CFAP90: variants seen among roughly 807,000 people sequenced by gnomAD.
The protein encoded by CFAP90 is cilia and flagella associated protein 90, also known as cilia- and flagella-associated protein 90.
chr5:7,831,311 A>C, the CFAP90 span: 3 of 152,890 alleles, frequency 2.0e-5, no homozygotes, highest in African/African-American at 7.2e-5. Context: ...GAAAAACAAA[A>C]ATGGAGTTTC....
the CFAP90 span, among the ~76,000 whole-genome samples, chr5:7,833,378 CATAAT>C: frequency 4.0e-5 from 6 of 151,264 alleles, no homozygotes; most frequent in South Asian, 4.2e-4. Context: ...TATATACACA[CATAAT>C]ATATACACAT....
chr5:7,837,807 G>T, the CFAP90 span, among the ~76,000 whole-genome samples: 236 of 152,330 alleles, frequency 1.5e-3, 1 homozygote, highest in African/African-American at 5.4e-3. Flanking sequence ...ACAGTAACAT[G>T]TGTAAGGCCC....
chr5:7,831,807 G>A, the CFAP90 span: 2 of 1,572,582 alleles, frequency 1.3e-6, no homozygotes, highest in Non-Finnish European at 1.7e-6. Flanking sequence ...AAACTTGCCA[G>A]GCCACAGGGT....
the CFAP90 span, among the ~76,000 whole-genome samples, chr5:7,839,860 A>G: frequency 6.6e-6 from 1 of 152,262 alleles, no homozygotes; most frequent in Admixed American, 6.5e-5. Flanking sequence ...GACCAAAAAA[A>G]ATAAATTCAT....
At chr5:7,850,636 C>T in the CFAP90 span, among the ~76,000 whole-genome samples, 2 of 124,870 alleles carry the variant, frequency 1.6e-5, no homozygotes. Flanking sequence ...CGCCCCTAGG[C>T]CCCCGCCCCT....
the CFAP90 span, among the ~76,000 whole-genome samples, chr5:7,832,754 C>A: frequency 6.6e-6 from 1 of 152,180 alleles, no homozygotes; most frequent in Non-Finnish European, 1.5e-5. Flanking sequence ...TCCCAAAGTG[C>A]TGGGATTACA....
chr5:7,830,673 G>C, the CFAP90 span: 1 of 152,174 alleles, frequency 6.6e-6, no homozygotes, highest in Admixed American at 6.5e-5. Context: ...TATTTTTAGA[G>C]AATCCTTTTT....
chr5:7,836,053 C>T, the CFAP90 span, among the ~76,000 whole-genome samples: 13 of 152,246 alleles, frequency 8.5e-5, no homozygotes, highest in South Asian at 2.1e-3. Flanking sequence ...AGCCCCCTCA[C>T]GCTTCTTTTA....
chr5:7,843,552 A>G, the CFAP90 span, among the ~76,000 whole-genome samples: 1 of 152,140 alleles, frequency 6.6e-6, no homozygotes, highest in Admixed American at 6.5e-5. Context: ...AGAGTTCTAC[A>G]TTCATCTATG....
the CFAP90 span, among the ~76,000 whole-genome samples, chr5:7,848,332 T>C: frequency 2.6e-5 from 4 of 152,016 alleles, no homozygotes; most frequent in African/African-American, 7.3e-5. Flanking sequence ...ATGTCCCTTT[T>C]CCCCCTGTCC....
chr5:7,845,909 G>A, the CFAP90 span, among the ~76,000 whole-genome samples: 3 of 151,816 alleles, frequency 2.0e-5, no homozygotes, highest in Admixed American at 6.6e-5. Flanking sequence ...TGCTTCAGAG[G>A]ATTAGAAGCC....
At chr5:7,831,761 G>C in the CFAP90 span, 1 of 1,310,742 alleles carries the variant, frequency 7.6e-7, no homozygotes, top group East Asian at 2.3e-5. Flanking sequence ...CATGAGAAGG[G>C]GAAAGGAGGC....
chr5:7,842,942 C>T, the CFAP90 span, among the ~76,000 whole-genome samples: 3 of 152,180 alleles, frequency 2.0e-5, no homozygotes, highest in East Asian at 1.9e-4. Flanking sequence ...AGCACACCGG[C>T]GGTTAAGACT....
chr5:7,831,633 C>A, the CFAP90 span: 99 of 480,768 alleles, frequency 2.1e-4, 1 homozygote, highest in Middle Eastern at 2.8e-3. Flanking sequence ...AGACTCTTCA[C>A]ATGTACTAAA....
At chr5:7,847,363 T>C in the CFAP90 span, among the ~76,000 whole-genome samples, 1 of 152,182 alleles carries the variant, frequency 6.6e-6, no homozygotes, top group African/African-American at 2.4e-5. Context: ...TGGAAAAAAA[T>C]TGTTTTTTCA....
At chr5:7,850,119 G>T in the CFAP90 span, among the ~76,000 whole-genome samples, 1 of 152,132 alleles carries the variant, frequency 6.6e-6, no homozygotes, top group Non-Finnish European at 1.5e-5. Context: ...TCGCAGCTAA[G>T]ACACCCATTC....
the CFAP90 span, chr5:7,835,620 G>A: frequency 2.6e-5 from 16 of 617,610 alleles, no homozygotes; most frequent in East Asian, 4.1e-4. Context: ...GTGAGTATGT[G>A]GTAGGAAAGT....
chr5:7,833,473 CAT>C, the CFAP90 span, among the ~76,000 whole-genome samples: 28 of 147,836 alleles, frequency 1.9e-4, no homozygotes, highest in Non-Finnish European at 2.4e-4. Context: ...CATGCACACA[CAT>C]ATACACACAT....
chr5:7,850,806 AGCCGCCC>A, the CFAP90 span: 5 of 729,234 alleles, frequency 6.9e-6, no homozygotes, highest in Non-Finnish European at 8.6e-6. Context: ...CCAGCCGCCC[AGCCGCCC>A]AGCCGCCCAG....
Sources: gnomAD v4.1 joint callset for allele counts (sites outside exome capture counted in the v4.1 genomes callset) on GRCh38, gnomAD v4.1.1 for gene constraint, MANE v1.5 for transcripts, NCBI Gene and HGNC (gene_info 2026-07-23, HGNC 2026-07-21) for gene names.